LPAR3: variants seen among roughly 807,000 people sequenced by gnomAD.
The protein encoded by LPAR3 is lysophosphatidic acid receptor 3.
Under a neutral mutation model 17.8 loss-of-function variants are expected in LPAR3, and 7 were observed. The observed-to-expected ratio is 0.39, with a 90% CI of 0.22 to 0.74. The LOEUF (loss-of-function observed/expected upper bound fraction) is 0.74. LPAR3 is among the 30% of genes least tolerant of loss of function. LPAR3 has a pLI of 0.40. For missense variants in LPAR3, 391 were observed against 453.4 expected, an observed-to-expected ratio of 0.86 and a Z score of 1.25; for synonymous variants, 179 against 179.9, an observed-to-expected ratio of 0.99 and a Z score of 0.04.
intron 2 of LPAR3, among the ~76,000 whole-genome samples, chr1:84,862,846 A>G (rs1659965097): frequency 1.3e-5 from 2 of 152,222 alleles, no homozygotes; most frequent in Admixed American, 1.3e-4. Flanking sequence ...AGCCACACAC[A>G]CAGTGAGAAA....
At chr1:84,816,446 G>T (rs1251067737) in intron 2 of LPAR3, among the ~76,000 whole-genome samples, 1 of 152,160 alleles carries the variant, frequency 6.6e-6, no homozygotes, top group African/African-American at 2.4e-5. Context: ...TCCAGGCAAA[G>T]GAAATGCCCT....
At position 84,812,153 on chromosome 1, in the gene LPAR3, T is replaced by G. The variant is rs111935411; in HGVS notation, c.*1693A>C. ...TATGGAGGTAACTGAAGATAAGGAC[T>G]GGGGTCAAGCTCATATTTCATTCTA... On this transcript the variant is annotated 3_prime_UTR_variant, in exon 3 of 3. Transcript: ENST00000370611. 1.3e-5 allele frequency: 2 copies of G among 152,186 alleles called. No individual in the cohort carries two copies. The highest frequency in any genetic ancestry group is 2.9e-5 in the Non-Finnish European group (2 of 68,038). The allele number at this position is 152,186 out of a possible 1,614,324, so 9.4% of individuals were successfully genotyped here.
chr1:84,867,658 G>A (rs1660078337), intron 1 of LPAR3, among the ~76,000 whole-genome samples: 1 of 151,672 alleles, frequency 6.6e-6, no homozygotes, highest in Admixed American at 6.6e-5. Flanking sequence ...AAAAAAACTG[G>A]GAGTAGTCTC....
At chr1:84,834,137 T>A (rs1659348344) in intron 2 of LPAR3, among the ~76,000 whole-genome samples, 1 of 152,166 alleles carries the variant, frequency 6.6e-6, no homozygotes, top group Admixed American at 6.6e-5. Context: ...GCTGCAAATA[T>A]TTTTTAAAAA....
chr1:84,820,039 T>C (rs573704579), intron 2 of LPAR3, among the ~76,000 whole-genome samples: 1 of 152,324 alleles, frequency 6.6e-6, no homozygotes, highest in Admixed American at 6.5e-5. Flanking sequence ...CCTGTAAAAC[T>C]CACAGCCTTA....
chr1:84,887,053 G>A (rs1367665539), intron 1 of LPAR3, among the ~76,000 whole-genome samples: 1 of 152,160 alleles, frequency 6.6e-6, no homozygotes, highest in Non-Finnish European at 1.5e-5. Flanking sequence ...AATGTAGAAA[G>A]AGTGACGGTG....
intron 2 of LPAR3, among the ~76,000 whole-genome samples, chr1:84,858,416 G>A (rs1432363970): frequency 6.6e-6 from 1 of 151,284 alleles, no homozygotes; most frequent in African/African-American, 2.4e-5. Flanking sequence ...CCCAGGAGGC[G>A]GAGGTTGCAG....
chr1:84,821,599 T>C (rs1005179331), intron 2 of LPAR3, among the ~76,000 whole-genome samples: 2 of 152,152 alleles, frequency 1.3e-5, no homozygotes, highest in Admixed American at 6.6e-5. Context: ...GAGGAAGGTG[T>C]GATCTAGGCA....
Position 84,869,354 on chromosome 1 carries a change from G to C in LPAR3, c.-18-3216C>G, listed in dbSNP as rs574767788. On this transcript the variant is annotated intron_variant, in intron 1 of 2. Transcript: ENST00000370611. The stretch of plus-strand genomic sequence containing the variant: ...ATCACAGAAAAACTATGATTAGCCA[G>C]AACTCCCACTAAGCAGCACTGTACC... Among the ~76,000 whole-genome samples the C allele has an allele frequency of 7.6e-4, 115 of 152,192 alleles. 1 individual carries two copies. Among genetic ancestry groups the C allele is most frequent in the Non-Finnish European group, 1.4e-3 (93 of 68,014 alleles).
chr1:84,814,589 C>T (rs559927108), intron 2 of LPAR3, among the ~76,000 whole-genome samples: 2 of 152,320 alleles, frequency 1.3e-5, no homozygotes, highest in African/African-American at 4.8e-5. Flanking sequence ...AACTCTCTGA[C>T]TCCAGGGCTC....
chr1:84,841,013 ATG>A lies in LPAR3; in HGVS notation c.736+24370_736+24371del, dbSNP rs1461701351. Among the ~76,000 whole-genome samples, 6 of 152,378 alleles carry A rather than the reference ATG, an allele frequency of 3.9e-5. No homozygotes were observed. In the South Asian group the frequency reaches 1.2e-3, roughly 32 times the overall value. Reference sequence around the variant, plus strand: ...TGAGCAAGCCAAAGCCTTGATCCTCATGTCTACAACATATTGAAAGGCTCACT... The same window carrying A: ...TGAGCAAGCCAAAGCCTTGATCCTCATCTACAACATATTGAAAGGCTCACT... On this transcript the variant is annotated intron_variant, in intron 2 of 2. Coordinates refer to ENST00000370611, the MANE Select transcript of LPAR3 (RefSeq NM_012152.3).
chr1:84,867,242 G>A (rs1256945771), intron 1 of LPAR3, among the ~76,000 whole-genome samples: 1 of 152,196 alleles, frequency 6.6e-6, no homozygotes, highest in Non-Finnish European at 1.5e-5. Context: ...GCCTCACAGT[G>A]GTCTGGCCAC....
At chr1:84,837,564 A>G (rs146153720) in intron 2 of LPAR3, among the ~76,000 whole-genome samples, 1 of 152,226 alleles carries the variant, frequency 6.6e-6, no homozygotes, top group Admixed American at 6.5e-5. Flanking sequence ...GAAGTTTCTC[A>G]TTATAAAACA....
At chr1:84,824,411 C>A (rs2102746578) in intron 2 of LPAR3, among the ~76,000 whole-genome samples, 1 of 152,296 alleles carries the variant, frequency 6.6e-6, no homozygotes, top group Middle Eastern at 3.4e-3. Context: ...GACCTAGAAT[C>A]TCTTGCAGCA....
At chr1:84,848,734 T>A (rs17377947) in intron 2 of LPAR3, among the ~76,000 whole-genome samples, 6,888 of 152,194 alleles carry the variant, frequency 0.045, 189 homozygotes, top group Middle Eastern at 0.085. Flanking sequence ...ACAACCTGGG[T>A]CTGCTGTGTC....
At chr1:84,874,220 G>GC (rs1303611445) in intron 1 of LPAR3, among the ~76,000 whole-genome samples, 1 of 152,100 alleles carries the variant, frequency 6.6e-6, no homozygotes, top group Non-Finnish European at 1.5e-5. Context: ...TAATACAAAC[G>GC]CAAAGCTTAA....
At chr1:84,819,739 G>T (rs941064388) in intron 2 of LPAR3, among the ~76,000 whole-genome samples, 1 of 152,166 alleles carries the variant, frequency 6.6e-6, no homozygotes, top group Non-Finnish European at 1.5e-5. Flanking sequence ...CTACAGGCAA[G>T]GCATCCACAG....
rs528341544 is a variant in LPAR3 at position 84,826,753 on chromosome 1, T to C, written c.737-12582A>G. Among the ~76,000 whole-genome samples the C allele has an allele frequency of 1.8e-4, 27 of 152,278 alleles. No individual in the cohort carries two copies. The East Asian group carries it at 5.0e-3, about 28-fold the overall frequency. On this transcript the variant is annotated intron_variant, in intron 2 of 2. Coordinates refer to ENST00000370611, the MANE Select transcript of LPAR3 (RefSeq NM_012152.3). ...TGCTTAAAAAAGATCCTGAAACAAA[T>C]ATCCCAAAATCCTAGCACATATAAT... is the stretch of plus-strand genomic sequence containing the variant.
At chr1:84,852,635 C>A (rs1355543765) in intron 2 of LPAR3, among the ~76,000 whole-genome samples, 1 of 152,106 alleles carries the variant, frequency 6.6e-6, no homozygotes, top group African/African-American at 2.4e-5. Flanking sequence ...CTTTGAGAGA[C>A]GTTCACATGG....
Sources: gnomAD v4.1 joint callset for allele counts (sites outside exome capture counted in the v4.1 genomes callset) on GRCh38, gnomAD v4.1.1 for gene constraint, MANE v1.5 for transcripts, NCBI Gene and HGNC (gene_info 2026-07-23, HGNC 2026-07-21) for gene names.